The following UGGT2 variants were observed in gnomAD, a reference collection of about 807,000 sequenced individuals.
The protein encoded by UGGT2 is UDP-glucose glycoprotein glucosyltransferase 2.
UGGT2 carries 180 observed loss-of-function variants against 192.1 expected under a neutral mutation model. The observed-to-expected ratio is 0.94, with a 90% CI of 0.83 to 1.06. UGGT2 has a LOEUF of 1.06. Ranked by LOEUF, UGGT2 falls within the 50% of genes least tolerant of loss-of-function variation. The pLI is 0.00. For synonymous variants in UGGT2, 580 were observed against 591.0 expected, an observed-to-expected ratio of 0.98 and a Z score of 0.27; for missense variants, 1,849 against 1,795.7, an observed-to-expected ratio of 1.03 and a Z score of -0.54.
In UGGT2 at chr13:95,976,652, C is replaced by T. The variant is rs569410029; in HGVS notation, c.1093-3981G>A. Among the ~76,000 whole-genome samples, 114 of 152,260 alleles carry T rather than the reference C, an allele frequency of 7.5e-4. 1 individual carries two copies. In the South Asian group the frequency reaches 0.023, roughly 30 times the overall value. On this transcript the variant is annotated intron_variant, in intron 10 of 38. Transcript: ENST00000376747. The stretch of plus-strand genomic sequence containing the variant: ...TCCAAAGTAATTTATGGATTCAATG[C>T]TATTCCCATCAAGCTACCATCAACT...
intron 12 of UGGT2, among the ~76,000 whole-genome samples, chr13:95,958,406 C>T (rs1350453441): frequency 1.3e-5 from 2 of 152,126 alleles, no homozygotes; most frequent in African/African-American, 4.8e-5. Context: ...CCGCCTAGGC[C>T]TCCCAAAGTG....
At chr13:96,000,334 ATATG>A (rs2051759046) in intron 5 of UGGT2, among the ~76,000 whole-genome samples, 1 of 152,178 alleles carries the variant, frequency 6.6e-6, no homozygotes, top group African/African-American at 2.4e-5. Context: ...AGCCTTATTG[ATATG>A]TATATGGCCA....
At position 96,053,080 on chromosome 13, in the gene UGGT2, C is replaced by A. The variant is rs538772267; in HGVS notation, c.158+75G>T. 1.4e-5 allele frequency: 19 copies of A among 1,395,462 alleles called. No individual in the cohort carries two copies. The South Asian group carries it at 2.9e-4, about 22-fold the overall frequency. The allele number at this position is 1,395,462 out of a possible 1,614,324, so 86.4% of individuals were successfully genotyped here. A position where few individuals can be genotyped will look rare whatever the true frequency, so the allele number is the denominator to read the frequency against. Reference sequence around the variant, plus strand: ...CCGGGTGGGAGCCAGACACCCGCTGCGAGCACGAAGAAAGCGCGGCTGAGG... The same window carrying A: ...CCGGGTGGGAGCCAGACACCCGCTGAGAGCACGAAGAAAGCGCGGCTGAGG... On this transcript the variant is annotated intron_variant, in intron 1 of 38. Coordinates refer to ENST00000376747, the MANE Select transcript of UGGT2 (RefSeq NM_020121.4).
At chr13:95,849,362 G>A (rs529940445) in intron 36 of UGGT2, among the ~76,000 whole-genome samples, 3 of 151,914 alleles carry the variant, frequency 2.0e-5, no homozygotes, top group East Asian at 1.9e-4. Flanking sequence ...TGGTGAAACC[G>A]AGTCTCTACT....
chr13:95,845,330 C>T (rs867249981), intron 36 of UGGT2, among the ~76,000 whole-genome samples: 7 of 137,754 alleles, frequency 5.1e-5, no homozygotes, highest in African/African-American at 1.1e-4. Flanking sequence ...TGCCGCCTTC[C>T]GCAGTGTTTG....
chr13:95,805,903 T>G (rs1000265930), intron 38 of UGGT2, among the ~76,000 whole-genome samples: 4 of 151,786 alleles, frequency 2.6e-5, no homozygotes, highest in African/African-American at 9.7e-5. Flanking sequence ...AAACAGTAAA[T>G]CTTGTTACGT....
chr13:95,965,548 C>T (rs554607665), intron 12 of UGGT2, among the ~76,000 whole-genome samples: 9 of 135,660 alleles, frequency 6.6e-5, no homozygotes, highest in South Asian at 2.3e-4. Context: ...ACAATGAGAA[C>T]ACATGGACAC....
intron 30 of UGGT2, among the ~76,000 whole-genome samples, chr13:95,864,082 C>T (rs760688715): frequency 6.6e-6 from 1 of 152,118 alleles, no homozygotes; most frequent in Non-Finnish European, 1.5e-5. Flanking sequence ...TTCCCTTTCC[C>T]TATTTGTCTG....
In UGGT2 at chr13:95,906,486, A is replaced by G. The variant is rs982741354; in HGVS notation, c.2296-3426T>C. Among the ~76,000 whole-genome samples the G allele has an allele frequency of 3.9e-5, 6 of 152,186 alleles. No individual in the cohort carries two copies. The South Asian group carries it at 1.2e-3, about 32-fold the overall frequency. ...GTTTCTCAGAGAAACGTGGGACACC[A>G]TTAAGCATGCCAACATATGCATTAT... On this transcript the variant is annotated intron_variant, in intron 20 of 38. Transcript: ENST00000376747.
chr13:95,961,522 A>G (rs973721151), intron 12 of UGGT2, among the ~76,000 whole-genome samples: 3 of 152,310 alleles, frequency 2.0e-5, no homozygotes, highest in Admixed American at 2.0e-4. Context: ...ATATAATAAT[A>G]AAGGGATAAA....
chr13:96,023,252 CTAT>C, intron 3 of UGGT2, 100 bp from the exon 4 acceptor site: 1 of 935,774 alleles, frequency 1.1e-6, no homozygotes, highest in South Asian at 3.3e-5. Context: ...TCATCAACTA[CTAT>C]TAAGTTATTG....
chr13:96,012,262 T>C (rs563565515), intron 5 of UGGT2, among the ~76,000 whole-genome samples: 66 of 152,128 alleles, frequency 4.3e-4, no homozygotes, highest in African/African-American at 1.6e-3. Flanking sequence ...ATTATATCTC[T>C]ACCCCGTAGT....
At chr13:95,945,985 T>G (rs2049853188) in intron 15 of UGGT2, among the ~76,000 whole-genome samples, 1 of 152,128 alleles carries the variant, frequency 6.6e-6, no homozygotes, top group African/African-American at 2.4e-5. Flanking sequence ...GATATAATAT[T>G]GATTGACAAG....
chr13:95,918,707 A>G (rs1746827104), intron 20 of UGGT2, among the ~76,000 whole-genome samples: 1 of 152,072 alleles, frequency 6.6e-6, no homozygotes, highest in African/African-American at 2.4e-5. Flanking sequence ...ACCAACAACA[A>G]GTTCTGAAAC....
intron 31 of UGGT2, among the ~76,000 whole-genome samples, chr13:95,862,235 G>T (rs183401546): frequency 1.3e-5 from 2 of 151,892 alleles, no homozygotes; most frequent in African/African-American, 4.8e-5. Context: ...GCTTAAACTG[G>T]GCAAAATCCA....
intron 20 of UGGT2, among the ~76,000 whole-genome samples, chr13:95,908,030 T>A (rs2048349068): frequency 6.6e-6 from 1 of 152,064 alleles, no homozygotes; most frequent in African/African-American, 2.4e-5. Context: ...CTAACCATAA[T>A]AAACAGTGTA....
intron 17 of UGGT2, among the ~76,000 whole-genome samples, chr13:95,932,948 G>T (rs987939686): frequency 6.6e-5 from 10 of 152,144 alleles, no homozygotes. Flanking sequence ...TGATTACGGT[G>T]AATTAATTTT....
chr13:95,976,171 T>C lies in UGGT2; in HGVS notation c.1093-3500A>G, dbSNP rs946838613. 2.0e-5 allele frequency among the ~76,000 whole-genome samples: 3 copies of C among 152,304 alleles called. No homozygotes were observed. The East Asian group carries it at 5.8e-4, about 29-fold the overall frequency. On this transcript the variant is annotated intron_variant, in intron 10 of 38. Transcript: ENST00000376747. ...AGTGTTTTTAGCTCTCACATATGAG[T>C]AATAACTTGTAGTATGTCTTTCTGT... is the stretch of plus-strand genomic sequence containing the variant.
chr13:95,970,358 T>A, intron 11 of UGGT2, 96 bp from the exon 12 acceptor site: 2 of 1,174,970 alleles, frequency 1.7e-6, no homozygotes, highest in South Asian at 1.6e-5. Context: ...GAAATGAGAT[T>A]TTTTGGTATC....
Sources: gnomAD v4.1 joint callset for allele counts (sites outside exome capture counted in the v4.1 genomes callset) on GRCh38, gnomAD v4.1.1 for gene constraint, MANE v1.5 for transcripts, NCBI Gene and HGNC (gene_info 2026-07-23, HGNC 2026-07-21) for gene names.